The following ARHGEF26 variants were observed in gnomAD, a reference collection of about 807,000 sequenced individuals.
ARHGEF26 encodes Rho guanine nucleotide exchange factor 26, also known as Rho guanine nucleotide exchange factor (GEF) 26.
A neutral mutation model predicts 89.4 loss-of-function variants in ARHGEF26; 59 were observed. The ratio of observed to expected loss-of-function variants is 0.66; its 90% CI spans 0.54 to 0.82. ARHGEF26 has a LOEUF of 0.82. ARHGEF26 is among the 40% of genes least tolerant of loss of function. The pLI is 0.00. For synonymous variants in ARHGEF26, 500 were observed against 428.4 expected (o/e 1.17, Z -2.06); for missense variants, 1,234 against 1,085.6 (o/e 1.14, Z -1.92).
intron 12 of ARHGEF26, 113 bp from the exon 13 acceptor site, chr3:154,253,003 C>T: frequency 8.5e-7 from 1 of 1,170,458 alleles, no homozygotes; most frequent in Non-Finnish European, 1.2e-6. Context: ...TACCATACCT[C>T]TCTAGAGAAT....
chr3:154,185,859 A>G (rs1430644351), intron 6 of ARHGEF26, among the ~76,000 whole-genome samples: 1 of 152,152 alleles, frequency 6.6e-6, no homozygotes, highest in African/African-American at 2.4e-5. Context: ...GGCATACAAA[A>G]GACACTCCTG....
intron 11 of ARHGEF26, among the ~76,000 whole-genome samples, chr3:154,234,852 G>A (rs1324152428): frequency 4.6e-5 from 7 of 152,042 alleles, no homozygotes; most frequent in Non-Finnish European, 7.4e-5. Context: ...TGCAAGGTCC[G>A]CCTCTCAGGT....
Position 154,122,414 on chromosome 3 carries a change from C to T in ARHGEF26, c.422C>T (p.Pro141Leu), listed in dbSNP as rs564230841. ...GTGACCTTGCCTGCGCCGCCGCCGC[C>T]GCCGGTTCTGCGCCCCCCGCGGACT... ...GAVTLPAPPP[P>L]PVLRPPRTPN... Residue 141 changes from proline to leucine, a missense_variant, in exon 2 of 15, where the codon CCG becomes CTG. Coordinates refer to ENST00000465093, the MANE Select transcript of ARHGEF26 (RefSeq NM_015595.4). 5 of 1,610,688 alleles carry T rather than the reference C, an allele frequency of 3.1e-6. 1 individual carries two copies. The highest frequency in any genetic ancestry group is 2.2e-5 in the East Asian group (1 of 44,776).
chr3:154,247,118 C>CT (rs1717844726), intron 12 of ARHGEF26, among the ~76,000 whole-genome samples: 1 of 152,106 alleles, frequency 6.6e-6, no homozygotes, highest in South Asian at 2.1e-4. Context: ...CATGCTAACC[C>CT]TTTTTTTGAG....
At chr3:154,163,550 C>G (rs1427651551) in intron 6 of ARHGEF26, among the ~76,000 whole-genome samples, 1 of 152,138 alleles carries the variant, frequency 6.6e-6, no homozygotes, top group Non-Finnish European at 1.5e-5. Flanking sequence ...GATTACACAT[C>G]TGGAAAATTA....
intron 7 of ARHGEF26, among the ~76,000 whole-genome samples, chr3:154,189,525 G>A (rs1713818888): frequency 6.6e-6 from 1 of 151,936 alleles, no homozygotes; most frequent in African/African-American, 2.4e-5. Context: ...TTTTAGTAGA[G>A]ACTGGGTTTC....
intron 4 of ARHGEF26, among the ~76,000 whole-genome samples, chr3:154,136,573 CTTA>C (rs1355122747): frequency 1.3e-5 from 2 of 152,200 alleles, no homozygotes; most frequent in South Asian, 2.1e-4. Flanking sequence ...GGTGATGGGA[CTTA>C]TTATTTTAGA....
intron 12 of ARHGEF26, among the ~76,000 whole-genome samples, chr3:154,242,704 A>G (rs1407104551): frequency 2.0e-5 from 3 of 152,222 alleles, no homozygotes; most frequent in Non-Finnish European, 4.4e-5. Context: ...TGCATGCTAT[A>G]CAGAAATCTT....
chr3:154,213,201 T>TAGAG (rs60158333), intron 9 of ARHGEF26, among the ~76,000 whole-genome samples: 50,150 of 136,484 alleles, frequency 0.37, 9,620 homozygotes, highest in Non-Finnish European at 0.43. Flanking sequence ...ACGAGTAACA[T>TAGAG]AGAGAGAGAG....
At chr3:154,253,592 TGACA>T (rs1718300002) in intron 13 of ARHGEF26, among the ~76,000 whole-genome samples, 1 of 152,206 alleles carries the variant, frequency 6.6e-6, no homozygotes, top group African/African-American at 2.4e-5. Flanking sequence ...TTCTACATAC[TGACA>T]GTCTGGATTT....
At chr3:154,185,369 C>CT (rs1713460727) in intron 6 of ARHGEF26, among the ~76,000 whole-genome samples, 1 of 152,226 alleles carries the variant, frequency 6.6e-6, no homozygotes, top group East Asian at 1.9e-4. Flanking sequence ...CACTTCTCTT[C>CT]TACTTGGCTA....
intron 12 of ARHGEF26, among the ~76,000 whole-genome samples, chr3:154,247,960 GA>G (rs1210513607): frequency 6.6e-6 from 1 of 152,160 alleles, no homozygotes; most frequent in East Asian, 1.9e-4. Flanking sequence ...CTTTCAAGAG[GA>G]ATGTGGGAGC....
intron 9 of ARHGEF26, among the ~76,000 whole-genome samples, chr3:154,216,492 A>ATTTT (rs1428596973): frequency 2.3e-5 from 3 of 128,994 alleles, no homozygotes; most frequent in Non-Finnish European, 5.0e-5. Context: ...TTTTTTTTTT[A>ATTTT]TTTTTTTTTA....
intron 6 of ARHGEF26, among the ~76,000 whole-genome samples, chr3:154,187,452 T>G (rs1469137849): frequency 6.8e-6 from 1 of 146,826 alleles, no homozygotes; most frequent in South Asian, 2.2e-4. Context: ...TGCCTCAGCC[T>G]CCCAAAGTGC....
intron 7 of ARHGEF26, among the ~76,000 whole-genome samples, 159 bp downstream of exon 7, chr3:154,187,996 G>A (rs1291949085): frequency 1.3e-5 from 2 of 152,126 alleles, no homozygotes; most frequent in Non-Finnish European, 2.9e-5. Flanking sequence ...TTTAGGGTGA[G>A]GGTGTTTAAG....
chr3:154,247,998 T>C (rs1717902762), intron 12 of ARHGEF26, among the ~76,000 whole-genome samples: 1 of 152,188 alleles, frequency 6.6e-6, no homozygotes, highest in African/African-American at 2.4e-5. Flanking sequence ...TCTGCCTTCA[T>C]TAAAATGAAG....
intron 4 of ARHGEF26, among the ~76,000 whole-genome samples, chr3:154,132,892 A>G (rs956575426): frequency 1.3e-5 from 2 of 152,144 alleles, no homozygotes; most frequent in African/African-American, 4.8e-5. Flanking sequence ...TTTGAGTATA[A>G]CATTTTAATG....
intron 8 of ARHGEF26, among the ~76,000 whole-genome samples, chr3:154,193,732 C>G: frequency 6.6e-6 from 1 of 151,986 alleles, no homozygotes; most frequent in Non-Finnish European, 1.5e-5. Context: ...TTAAATTTAC[C>G]GTGAATTGAC....
At position 154,225,873 on chromosome 3, in the gene ARHGEF26, C is replaced by G; in HGVS notation, c.1953C>G (p.Ser651=). The G allele has an allele frequency of 6.2e-7, 1 of 1,604,976 alleles. No homozygotes were observed. Among genetic ancestry groups the G allele is most frequent in the Middle Eastern group, 1.7e-4 (1 of 5,996 alleles). ...TTTTGTAGCCTTTTCCTTTAGTCTC[C>G]TCTTCCCGGTGGTTGGTAAAAAGAG... The part of the protein sequence containing the change: ...EFKIKPFPLV[S]SSRWLVKRGE... Residue 651 remains serine, a synonymous_variant, in exon 11 of 15, where the codon TCC becomes TCG. Coordinates refer to ENST00000465093, the MANE Select transcript of ARHGEF26 (RefSeq NM_015595.4).
Sources: allele counts gnomAD v4.1 joint callset (sites outside exome capture counted in the v4.1 genomes callset), GRCh38; gene constraint gnomAD v4.1.1; transcripts MANE v1.5; gene names NCBI Gene and HGNC (gene_info 2026-07-23, HGNC 2026-07-21).